The following NXN variants were observed in gnomAD, a reference collection of about 807,000 sequenced individuals.
NXN encodes nucleoredoxin 1.
NXN carries 16 observed loss-of-function variants against 48.6 expected under a neutral mutation model. That is an observed-to-expected ratio of 0.33 (90% CI 0.22 to 0.50). NXN has a LOEUF of 0.50. NXN is among the 20% of genes least tolerant of loss of function. NXN has a pLI of 0.98. For synonymous variants in NXN, 281 were observed against 269.6 expected, an observed-to-expected ratio of 1.04 and a Z score of -0.41; for missense variants, 492 against 605.5, an observed-to-expected ratio of 0.81 and a Z score of 1.97.
intron 1 of NXN, among the ~76,000 whole-genome samples, chr17:840,094 CAAAAA>C (rs202070104): frequency 7.8e-6 from 1 of 128,118 alleles, no homozygotes; most frequent in Non-Finnish European, 1.7e-5. Context: ...GAGACTGTCT[CAAAAA>C]AAAAAAAAAG....
intron 1 of NXN, among the ~76,000 whole-genome samples, chr17:905,797 C>T (rs1376863222): frequency 2.0e-5 from 3 of 151,628 alleles, no homozygotes; most frequent in African/African-American, 7.3e-5. Context: ...GGCAACAAAG[C>T]GAGACCCTAT....
intron 5 of NXN, among the ~76,000 whole-genome samples, chr17:807,336 A>G (rs1283502105): frequency 6.6e-6 from 1 of 152,210 alleles, no homozygotes; most frequent in African/African-American, 2.4e-5. Flanking sequence ...CTGCTGTGAC[A>G]GGCCCCGCGG....
At chr17:954,119 T>G (rs1227248595) in intron 1 of NXN, among the ~76,000 whole-genome samples, 2 of 152,036 alleles carry the variant, frequency 1.3e-5, no homozygotes, top group African/African-American at 4.8e-5. Context: ...GGCTCATGCC[T>G]GTCATCCAAG....
Position 823,759 on chromosome 17 carries a change from T to C in NXN, c.485A>G (p.Glu162Gly). 1 of 1,614,070 alleles carries C rather than the reference T, an allele frequency of 6.2e-7. No homozygotes were observed. Among genetic ancestry groups the C allele is most frequent in the Non-Finnish European group, 8.5e-7 (1 of 1,180,016 alleles). ...LVIRDDPEGL[E>G]FPWGPKPFRE... is the part of the protein sequence containing the mutation. Reference sequence around the variant, plus strand: ...GAAGGGTTTCGGTCCCCAGGGGAACTCCAGACCTGAAACAGAAAACAGATG... The same window carrying C: ...GAAGGGTTTCGGTCCCCAGGGGAACCCCAGACCTGAAACAGAAAACAGATG... The change falls in exon 3 of 8, where the codon GAG becomes GGG. Residue 162 changes from glutamate to glycine, a missense_variant. By Grantham distance (98) the Glu-to-Gly change is moderately conservative. Around this residue, in one of 3 missense-constraint regions of NXN, gnomAD observed 303 missense variants for 388.3 expected, o/e 0.78. Transcript: ENST00000336868.
At chr17:824,703 C>A (rs1427018986) in intron 2 of NXN, among the ~76,000 whole-genome samples, 1 of 152,172 alleles carries the variant, frequency 6.6e-6, no homozygotes, top group Non-Finnish European at 1.5e-5. Context: ...AGAGTAAAAC[C>A]CACCCAGCCC....
Position 801,515 on chromosome 17 carries a change from G to A in NXN, c.1126-384C>T, listed in dbSNP as rs1161868831. Among the ~76,000 whole-genome samples, 3 of 131,808 alleles carry A rather than the reference G, an allele frequency of 2.3e-5. No homozygotes were observed. The East Asian group carries it at 7.5e-4, about 33-fold the overall frequency. The allele number at this position is 131,808 out of a possible 152,430, so 86.5% of individuals were successfully genotyped here. ...GGCTGGAGTGCAGTGGCACGATCTC[G>A]GCTCACTGCAAGCTCCACCTCCCGG... On this transcript the variant is annotated intron_variant, in intron 7 of 7. Transcript: ENST00000336868.
At chr17:803,025 G>T (rs998607349) in intron 7 of NXN, among the ~76,000 whole-genome samples, 2 of 152,208 alleles carry the variant, frequency 1.3e-5, no homozygotes, top group Non-Finnish European at 2.9e-5. Flanking sequence ...GCCTGCACCT[G>T]TGCTGAGTCG....
chr17:897,232 T>C (rs1011787460), intron 1 of NXN, among the ~76,000 whole-genome samples: 11 of 152,242 alleles, frequency 7.2e-5, no homozygotes, highest in African/African-American at 1.9e-4. Flanking sequence ...GGTTAAGGGC[T>C]GTTCCCACCC....
chr17:861,466 G>C (rs1248125002), intron 1 of NXN, among the ~76,000 whole-genome samples: 1 of 152,094 alleles, frequency 6.6e-6, no homozygotes, highest in Non-Finnish European at 1.5e-5. Context: ...AGTGGCTAGA[G>C]GCAGTGAGAG....
intron 1 of NXN, among the ~76,000 whole-genome samples, chr17:861,791 T>C (rs1032459722): frequency 6.6e-6 from 1 of 152,030 alleles, no homozygotes; most frequent in African/African-American, 2.4e-5. Flanking sequence ...TCTGAAATGA[T>C]ACTAAAAAAT....
chr17:902,427 A>T (rs889159571), intron 1 of NXN, among the ~76,000 whole-genome samples: 1 of 152,220 alleles, frequency 6.6e-6, no homozygotes, highest in Non-Finnish European at 1.5e-5. Context: ...ACATCGAGGC[A>T]GAAACAGATT....
Position 920,646 on chromosome 17 carries a change from T to A in NXN, c.360+58673A>T, listed in dbSNP as rs576888453. ...CTCACTGGCAGCACCCAGGACGTTC[T>A]CAATGAGGTCTTCATTCATACCGCC... On this transcript the variant is annotated intron_variant, in intron 1 of 7. Coordinates refer to ENST00000336868, the MANE Select transcript of NXN (RefSeq NM_022463.5). This position sits in a 1 kb window ranked among gnomAD's most constrained non-coding sequence, Gnocchi z 4.6. Among the ~76,000 whole-genome samples the A allele has an allele frequency of 6.6e-6, 1 of 151,770 alleles. No individual in the cohort carries two copies. The highest frequency in any genetic ancestry group is 1.5e-5 in the Non-Finnish European group (1 of 67,970).
chr17:886,549 G>A (rs1167492943), intron 1 of NXN, among the ~76,000 whole-genome samples: 2 of 152,266 alleles, frequency 1.3e-5, no homozygotes, highest in East Asian at 3.9e-4. Flanking sequence ...GGCCAATGTG[G>A]GTGGATCACC....
At chr17:916,784 G>A (rs2068692610) in intron 1 of NXN, among the ~76,000 whole-genome samples, 1 of 152,168 alleles carries the variant, frequency 6.6e-6, no homozygotes, top group South Asian at 2.1e-4. Flanking sequence ...TGTAATCCCA[G>A]CCACTTCGGG....
rs535010054 is a variant in NXN, at chr17:832,059, T to C, written c.361-5981A>G. ...TAGCTGGACTGTTGCCTGAAGTAAA[T>C]TTCAGCCTGTGGTCCTCAAATGTAA... On this transcript the variant is annotated intron_variant, in intron 1 of 7. Transcript: ENST00000336868. Among the ~76,000 whole-genome samples the C allele has an allele frequency of 5.3e-5, 8 of 151,496 alleles. 1 individual carries two copies. The South Asian group carries it at 1.7e-3, about 32-fold the overall frequency.
chr17:897,974 G>T (rs2068505629), intron 1 of NXN, among the ~76,000 whole-genome samples: 2 of 152,154 alleles, frequency 1.3e-5, no homozygotes, highest in Admixed American at 1.3e-4. Flanking sequence ...AACCCCTGCT[G>T]CTGGCCAGTT....
intron 1 of NXN, among the ~76,000 whole-genome samples, chr17:966,075 C>T (rs2069299120): frequency 6.6e-6 from 1 of 150,838 alleles, no homozygotes; most frequent in Non-Finnish European, 1.5e-5. Flanking sequence ...GAGATGGCAC[C>T]ACTGCACTCC....
intron 1 of NXN, among the ~76,000 whole-genome samples, chr17:861,934 A>G (rs2068045123): frequency 6.6e-6 from 1 of 152,006 alleles, no homozygotes; most frequent in Admixed American, 6.6e-5. Context: ...GGCTCAAGCA[A>G]TCCTCTCACC....
At chr17:897,671 T>G (rs1334953816) in intron 1 of NXN, among the ~76,000 whole-genome samples, 2 of 136,508 alleles carry the variant, frequency 1.5e-5, no homozygotes, top group East Asian at 5.2e-4. Context: ...GTCCAGCATT[T>G]GTTTTTCTTT....
Sources: gnomAD v4.1 joint callset for allele counts (sites outside exome capture counted in the v4.1 genomes callset) on GRCh38, gnomAD v4.1.1 for gene constraint, gnomAD v4.1.1 regional missense constraint, Gnocchi (gnomAD v3.1) non-coding constraint, MANE v1.5 for transcripts, NCBI Gene and HGNC (gene_info 2026-07-23, HGNC 2026-07-21) for gene names.